The following MYH7 variants were observed in gnomAD, a reference collection of about 807,000 sequenced individuals.
The protein encoded by MYH7 is myosin heavy chain 7.
Under a neutral mutation model 225.4 loss-of-function variants are expected in MYH7, and 129 were observed. That is an observed-to-expected ratio of 0.57 (90% CI 0.50 to 0.66). The LOEUF (loss-of-function observed/expected upper bound fraction) is 0.66. Ranked by LOEUF, MYH7 falls within the 30% of genes least tolerant of loss-of-function variation. The pLI, the probability that MYH7 is intolerant of heterozygous loss-of-function variation, is 0.00. For missense variants in MYH7, 1,649 were observed against 2,517.0 expected (o/e 0.66, Z 7.38); for synonymous variants, 971 against 1,007.6 (o/e 0.96, Z 0.69).
chr14:23,426,703 G>A, intron 18 of MYH7, 74 bp downstream of exon 18: 1 of 1,350,076 alleles, frequency 7.4e-7, no homozygotes, highest in Admixed American at 1.7e-5. Flanking sequence ...GGTAGGTAGG[G>A]AGATGTCCTA....
In MYH7 at chr14:23,416,157, G is replaced by A. The variant is rs1057521761; in HGVS notation, c.4800C>T (p.Ser1600=). 2 of 1,614,182 alleles carry A rather than the reference G, an allele frequency of 1.2e-6. No homozygotes were observed. Among genetic ancestry groups the A allele is most frequent in the Non-Finnish European group, 1.7e-6 (2 of 1,180,046 alleles). Residue 1600 remains serine (S), a synonymous_variant, in exon 34 of 40, where the codon TCC becomes TCT. Transcript: ENST00000355349. ...TGCGGCTGCGTGTCTCTGCGTCCAG[G>A]GAGGTCTGCAGCGAGTCCACCACCC... ...HLRVVDSLQT[S]LDAETRSRNE...
In MYH7 at chr14:23,433,361, A is replaced by G; in HGVS notation, c.202-134T>C. The G allele has an allele frequency of 6.8e-7, 1 of 1,472,590 alleles. No individual in the cohort carries two copies. The highest frequency in any genetic ancestry group is 9.4e-7 in the Non-Finnish European group (1 of 1,067,434). 91.2% of individuals were successfully genotyped at this position (1,472,590 alleles called of 1,614,324 possible). Reference sequence around the variant, plus strand: ...ACCAGGATCTCACAGGGAAGACAGAAGGGATATTGGGAAGGAGAGGGCTCT... The same window carrying G: ...ACCAGGATCTCACAGGGAAGACAGAGGGGATATTGGGAAGGAGAGGGCTCT... On this transcript the variant is annotated intron_variant, in intron 3 of 39. Transcript: ENST00000355349. The surrounding 1 kb of genome is among the most constrained non-coding windows in gnomAD (Gnocchi z 4.1).
intron 22 of MYH7, among the ~76,000 whole-genome samples, 198 bp from the exon 23 acceptor site, chr14:23,424,347 G>A (rs1892607644): frequency 6.6e-6 from 1 of 152,196 alleles, no homozygotes; most frequent in South Asian, 2.1e-4. Context: ...GAGCAGAGAG[G>A]AAAGGAACCA....
Position 23,430,903 on chromosome 14 carries a change from A to T in MYH7, c.893T>A (p.Leu298Gln). The change falls in exon 10 of 40, where the codon CTG becomes CAG. Residue 298 changes from leucine to glutamine, a missense_variant and splice_region_variant. Around this residue, in one of 12 missense-constraint regions of MYH7, gnomAD observed 131 missense variants for 231.3 expected, o/e 0.57. Transcript: ENST00000355349. ...CTCAGTCGGTGGCTCTGACTCACCC[A>T]GCAGCTCAGGCTTTTTGTTAGACAG... The part of the protein sequence containing the change: ...QILSNKKPEL[L>Q]DMLLITNNPY... 6.2e-7 allele frequency: 1 copy of T among 1,611,614 alleles called. No homozygotes were observed. Among genetic ancestry groups the T allele is most frequent in the African/African-American group, 1.3e-5 (1 of 74,998 alleles).
chr14:23,417,711 G>A (rs376784171), intron 30 of MYH7, 25 bp from the exon 31 acceptor site: 28 of 1,611,710 alleles, frequency 1.7e-5, no homozygotes, highest in Admixed American at 5.0e-5. Flanking sequence ...GTGGCAGAGG[G>A]TGGGGAGGAT....
intron 30 of MYH7, chr14:23,417,991 C>A (rs779017128): frequency 1.1e-6 from 1 of 926,242 alleles, no homozygotes; most frequent in South Asian, 1.3e-5. Flanking sequence ...AGCACTCTGC[C>A]CTCAGACAAA....
At chr14:23,431,981 G>T in intron 6 of MYH7, 112 bp from the exon 7 acceptor site, 2 of 1,128,814 alleles carry the variant, frequency 1.8e-6, no homozygotes, top group Non-Finnish European at 2.6e-6. Flanking sequence ...TGGGCAAGAA[G>T]CTGCCAGGTT....
At position 23,425,682 on chromosome 14, in the gene MYH7, C is replaced by T. The variant is rs1892665847; in HGVS notation, c.2286+13G>A. The T allele has an allele frequency of 1.2e-6, 2 of 1,613,878 alleles. No homozygotes were observed. The highest frequency in any genetic ancestry group is 1.7e-5 in the Admixed American group (1 of 60,006). On this transcript the variant is annotated intron_variant, in intron 20 of 39. Transcript: ENST00000355349. This position sits in a 1 kb window ranked among gnomAD's most constrained non-coding sequence, Gnocchi z 4.6. ...AGATGTCTTCCTTTAATTAATTAGT[C>T]TCCTTTCCTCACCTTGGTGTGGCCA...
chr14:23,416,123 G>A lies in MYH7; in HGVS notation c.4834C>T (p.Leu1612=), dbSNP rs397516229. The A allele has an allele frequency of 8.1e-6, 13 of 1,614,188 alleles. No individual in the cohort carries two copies. In the South Asian group the frequency reaches 1.2e-4, roughly 15 times the overall value. The change falls in exon 34 of 40, where the codon CTG becomes TTG. Residue 1612 remains leucine, a synonymous_variant. Coordinates refer to ENST00000355349, the MANE Select transcript of MYH7 (RefSeq NM_000257.4). The part of the protein sequence containing the change: ...DAETRSRNEA[L]RVKKKMEGDL... ...CCTTCCATCTTCTTCTTCACCCTCA[G>A]GGCCTCGTTGCGGCTGCGTGTCTCT...
chr14:23,427,528 T>C, intron 16 of MYH7, 57 bp downstream of exon 16: 1 of 1,600,958 alleles, frequency 6.2e-7, no homozygotes, highest in Non-Finnish European at 8.5e-7. Context: ...TTGACCTGGC[T>C]CAGAACCTTG....
intron 24 of MYH7, 68 bp downstream of exon 24, chr14:23,423,479 A>G: frequency 6.4e-7 from 1 of 1,563,184 alleles, no homozygotes; most frequent in Non-Finnish European, 8.8e-7. Context: ...ACACACACAC[A>G]CACACACAGA....
chr14:23,415,794 G>T lies in MYH7; in HGVS notation c.4992C>A (p.Asn1664Lys), dbSNP rs763538103. The T allele has an allele frequency of 3.1e-6, 5 of 1,614,208 alleles. No homozygotes were observed. The highest frequency in any genetic ancestry group is 1.7e-5 in the Admixed American group (1 of 60,026). The change falls in exon 35 of 40, where the codon AAC becomes AAA. Residue 1664 changes from asparagine (N) to lysine (K), a missense_variant. Around this residue, in one of 12 missense-constraint regions of MYH7, gnomAD observed 687 missense variants for 913.8 expected, o/e 0.75. Coordinates refer to ENST00000355349, the MANE Select transcript of MYH7 (RefSeq NM_000257.4). This position sits in a 1 kb window ranked among gnomAD's most constrained non-coding sequence, Gnocchi z 6.3. The part of the protein sequence containing the change: ...QIQLDDAVRA[N>K]DDLKENIAIV... ...TGGCGATGTTCTCCTTCAGGTCGTCGTTGGCACGGACTGCATCGTCCAGCT... is the reference window on the plus strand; with the variant it reads ...TGGCGATGTTCTCCTTCAGGTCGTCTTTGGCACGGACTGCATCGTCCAGCT...
intron 12 of MYH7, 26 bp from the exon 13 acceptor site, chr14:23,429,373 G>A (rs755277665): frequency 1.5e-5 from 24 of 1,600,968 alleles, no homozygotes; most frequent in Non-Finnish European, 1.8e-5. Context: ...AAGTAGCAAA[G>A]TTGGTAAAGA....
rs1028822975 is a variant in MYH7, at chr14:23,425,478, G to T, written c.2287-60C>A. On this transcript the variant is annotated intron_variant, in intron 20 of 39. Coordinates refer to ENST00000355349, the MANE Select transcript of MYH7 (RefSeq NM_000257.4). The surrounding 1 kb of genome is among the most constrained non-coding windows in gnomAD (Gnocchi z 4.6). Reference sequence around the variant, plus strand: ...AGGGGTACGAGGGAAAGAGATGGTGGGGATTACCTTAGGAAGGGTAACAGC... The same window carrying T: ...AGGGGTACGAGGGAAAGAGATGGTGTGGATTACCTTAGGAAGGGTAACAGC... 30 of 1,612,570 alleles carry T rather than the reference G, an allele frequency of 1.9e-5. No homozygotes were observed. In the African/African-American group the frequency reaches 4.0e-4, roughly 22 times the overall value.
rs1443759802 is a variant in MYH7, at chr14:23,429,259, C to T, written c.1227G>A (p.Glu409=). 4 of 1,614,112 alleles carry T rather than the reference C, an allele frequency of 2.5e-6. No individual in the cohort carries two copies. The highest frequency in any genetic ancestry group is 2.2e-5 in the South Asian group (2 of 91,092). ...GGACATTCTGCCCCTTGGTGACGTA[C>T]TCATTGCCCACTTTCACCCGAGGGT... ...LCHPRVKVGN[E]YVTKGQNVQQ... The change falls in exon 13 of 40, where the codon GAG becomes GAA. Residue 409 remains glutamate, a synonymous_variant. Coordinates refer to ENST00000355349, the MANE Select transcript of MYH7 (RefSeq NM_000257.4).
chr14:23,415,550 A>T lies in MYH7; in HGVS notation c.5158-44T>A. 6.2e-7 allele frequency: 1 copy of T among 1,614,010 alleles called. No homozygotes were observed. On this transcript the variant is annotated intron_variant, in intron 35 of 39. Coordinates refer to ENST00000355349, the MANE Select transcript of MYH7 (RefSeq NM_000257.4). The surrounding 1 kb of genome is among the most constrained non-coding windows in gnomAD (Gnocchi z 6.3). ...GGGCAGAGCAGGAAAAGCATTGAGCATCTATGCATAGCTCTCAAGCCTTGC... is the reference window on the plus strand; with the variant it reads ...GGGCAGAGCAGGAAAAGCATTGAGCTTCTATGCATAGCTCTCAAGCCTTGC...
In MYH7 at chr14:23,419,487, C is replaced by T; in HGVS notation, c.3849G>A (p.Glu1283=). Residue 1283 remains glutamate, a synonymous_variant, in exon 28 of 40, where the codon GAG becomes GAA. Transcript: ENST00000355349. ...LTSQRAKLQT[E]NGELSRQLDE... is the part of the protein sequence containing the mutation. ...GAGCCCCTGCTCTAGGCTCACCATT[C>T]TCGGTTTGCAACTTGGCCCGCTGGC... 6.2e-7 allele frequency: 1 copy of T among 1,614,108 alleles called. No homozygotes were observed. The highest frequency in any genetic ancestry group is 8.5e-7 in the Non-Finnish European group (1 of 1,180,030).
chr14:23,424,047 C>T lies in MYH7; in HGVS notation c.2782G>A (p.Asp928Asn), dbSNP rs727503252. The T allele has an allele frequency of 6.2e-7, 1 of 1,614,258 alleles. No individual in the cohort carries two copies. The change falls in exon 23 of 40, where the codon GAT (aspartate) becomes AAT (asparagine). Residue 928 changes from aspartate to asparagine, a missense_variant. Physicochemically the swap from Asp to Asn is conservative, Grantham distance 23. Transcript: ENST00000355349. ...AGCTCAGCATTCATCTCCTCCTCAT[C>T]CTCCAGCCTCTCGTTCATCTCCTTC... ...KVKEMNERLE[D>N]EEEMNAELTA...
In MYH7 at chr14:23,425,892, T is replaced by G. The variant is rs1892678215; in HGVS notation, c.2162+72A>C. 6.2e-7 allele frequency: 1 copy of G among 1,612,958 alleles called. No homozygotes were observed. Among genetic ancestry groups the G allele is most frequent in the Non-Finnish European group, 8.5e-7 (1 of 1,180,032 alleles). ...CTGCCCATAGAATTCCAGGGTCACC[T>G]GCAGATCCCATTCCCATCAGGGCAG... is the stretch of plus-strand genomic sequence containing the variant. On this transcript the variant is annotated intron_variant, in intron 19 of 39. Transcript: ENST00000355349. The surrounding 1 kb of genome is among the most constrained non-coding windows in gnomAD (Gnocchi z 4.6).
Sources: allele counts gnomAD v4.1 joint callset (sites outside exome capture counted in the v4.1 genomes callset), GRCh38; gene constraint gnomAD v4.1.1; regional missense constraint gnomAD v4.1.1; non-coding constraint Gnocchi (gnomAD v3.1); transcripts MANE v1.5; gene names NCBI Gene and HGNC (gene_info 2026-07-23, HGNC 2026-07-21).